Variants in MAN1C1 observed in about 807,000 individuals in gnomAD.
MAN1C1 encodes the protein mannosyl-oligosaccharide 1,2-alpha-mannosidase IC.
A neutral mutation model predicts 71.5 loss-of-function variants in MAN1C1; 49 were observed. The observed-to-expected ratio is 0.69, with a 90% CI of 0.54 to 0.87. MAN1C1 has a LOEUF of 0.87. MAN1C1 is among the 40% of genes least tolerant of loss of function. MAN1C1 has a pLI of 0.00. For missense variants in MAN1C1, 743 were observed against 835.0 expected (o/e 0.89, Z 1.36); for synonymous variants, 352 against 343.7 (o/e 1.02, Z -0.27).
At chr1:25,667,242 G>T (rs2045936408) in intron 1 of MAN1C1, among the ~76,000 whole-genome samples, 1 of 152,068 alleles carries the variant, frequency 6.6e-6, no homozygotes, top group Non-Finnish European at 1.5e-5. Flanking sequence ...CCAGCCCTTT[G>T]GGAGGCTGAG....
intron 2 of MAN1C1, among the ~76,000 whole-genome samples, chr1:25,723,936 C>T (rs1389914983): frequency 6.6e-6 from 1 of 152,154 alleles, no homozygotes; most frequent in East Asian, 1.9e-4. Flanking sequence ...AACCACAGAC[C>T]TCACTGGCAT....
Position 25,735,873 on chromosome 1 carries a change from C to T in MAN1C1, c.638-10795C>T, listed in dbSNP as rs754945091. On this transcript the variant is annotated intron_variant, in intron 2 of 11. Transcript: ENST00000374332. This position sits in a 1 kb window ranked among gnomAD's most constrained non-coding sequence, Gnocchi z 4.6. Reference sequence around the variant, plus strand: ...CCCTGTGGCAAGTCTCATGGCCAAACGTAAGATCAAGGGCAGAGTTTAATT... The same window carrying T: ...CCCTGTGGCAAGTCTCATGGCCAAATGTAAGATCAAGGGCAGAGTTTAATT... 2.6e-5 allele frequency among the ~76,000 whole-genome samples: 4 copies of T among 152,150 alleles called. No individual in the cohort carries two copies. The highest frequency in any genetic ancestry group is 5.9e-5 in the Non-Finnish European group (4 of 68,028).
At chr1:25,621,297 C>T (rs1294803518) in intron 1 of MAN1C1, among the ~76,000 whole-genome samples, 3 of 152,164 alleles carry the variant, frequency 2.0e-5, no homozygotes, top group African/African-American at 7.2e-5. Context: ...CTGTCTAGCA[C>T]CTATCCAAGA....
intron 2 of MAN1C1, among the ~76,000 whole-genome samples, chr1:25,731,466 C>G (rs968342344): frequency 6.6e-6 from 1 of 152,182 alleles, no homozygotes; most frequent in South Asian, 2.1e-4. Flanking sequence ...TGGCTTCAGT[C>G]GTCTACATTA....
intron 6 of MAN1C1, chr1:25,760,156 A>G (rs1466174718): frequency 6.6e-6 from 1 of 152,142 alleles, no homozygotes; most frequent in African/African-American, 2.4e-5. Flanking sequence ...AGTAATAGCT[A>G]CCCCTGCCTG....
Position 25,778,883 on chromosome 1 carries a change from G to A in MAN1C1, c.1477+559G>A, listed in dbSNP as rs1409700126. On this transcript the variant is annotated intron_variant, in intron 9 of 11. Coordinates refer to ENST00000374332, the MANE Select transcript of MAN1C1 (RefSeq NM_020379.4). This position sits in a 1 kb window ranked among gnomAD's most constrained non-coding sequence, Gnocchi z 5.5. ...ACCACTCACCACTGAATTGTCCGAT[G>A]CTAGAATCAGAGGTCACATTTGAGA... 1.3e-5 allele frequency among the ~76,000 whole-genome samples: 2 copies of A among 152,136 alleles called. No individual in the cohort carries two copies. The highest frequency in any genetic ancestry group is 2.4e-5 in the African/African-American group (1 of 41,438).
intron 1 of MAN1C1, among the ~76,000 whole-genome samples, chr1:25,637,828 A>G (rs2045484137): frequency 6.6e-6 from 1 of 152,036 alleles, no homozygotes; most frequent in Non-Finnish European, 1.5e-5. Context: ...CTTTGTTTGC[A>G]GTATATTTTA....
chr1:25,696,776 G>A (rs1053870839), intron 2 of MAN1C1, among the ~76,000 whole-genome samples: 12 of 152,090 alleles, frequency 7.9e-5, no homozygotes, highest in African/African-American at 2.9e-4. Context: ...CCTCTGGGTA[G>A]CTAGGACTAC....
chr1:25,619,488 C>T (rs887686829), intron 1 of MAN1C1, among the ~76,000 whole-genome samples: 1 of 152,226 alleles, frequency 6.6e-6, no homozygotes, highest in Admixed American at 6.5e-5. Context: ...TTATCCCCTT[C>T]TCCTTGTCTG....
chr1:25,746,916 G>A lies in MAN1C1; in HGVS notation c.753+133G>A, dbSNP rs1223788327. ...ACGGCTGCACAGCCCAGCAGTCTCG[G>A]AACCGGAGCTGCCGTGCAGTCTGTG... is the stretch of plus-strand genomic sequence containing the variant. On this transcript the variant is annotated intron_variant, in intron 3 of 11. Transcript: ENST00000374332. This position sits in a 1 kb window ranked among gnomAD's most constrained non-coding sequence, Gnocchi z 4.0. 3 of 652,788 alleles carry A rather than the reference G, an allele frequency of 4.6e-6. No homozygotes were observed. Among genetic ancestry groups the A allele is most frequent in the Non-Finnish European group, 8.0e-6 (3 of 374,706 alleles). The allele number at this position is 652,788 out of a possible 1,614,324, so 40.4% of individuals were successfully genotyped here. A position where few individuals can be genotyped will look rare whatever the true frequency, so the allele number is the denominator to read the frequency against.
chr1:25,704,370 C>T (rs1320221530), intron 2 of MAN1C1, among the ~76,000 whole-genome samples: 2 of 152,190 alleles, frequency 1.3e-5, no homozygotes, highest in African/African-American at 2.4e-5. Context: ...TGGGAATGGG[C>T]GGCCGACAGA....
chr1:25,762,708 G>T (rs893223090), intron 6 of MAN1C1, among the ~76,000 whole-genome samples: 1 of 152,018 alleles, frequency 6.6e-6, no homozygotes, highest in African/African-American at 2.4e-5. Flanking sequence ...GATTATAGGC[G>T]TGAGCCACCA....
intron 2 of MAN1C1, among the ~76,000 whole-genome samples, chr1:25,694,105 G>C (rs997503051): frequency 1.3e-5 from 2 of 152,194 alleles, no homozygotes; most frequent in African/African-American, 4.8e-5. Context: ...CAGTCTCTGA[G>C]TGCCCTATTT....
intron 2 of MAN1C1, among the ~76,000 whole-genome samples, chr1:25,688,629 G>A (rs759206291): frequency 1.1e-4 from 17 of 152,146 alleles, no homozygotes; most frequent in Non-Finnish European, 2.1e-4. Flanking sequence ...TGCTTGAGCC[G>A]TCTGGAATGG....
intron 1 of MAN1C1, among the ~76,000 whole-genome samples, chr1:25,669,823 C>T (rs1056268391): frequency 6.6e-6 from 1 of 152,176 alleles, no homozygotes; most frequent in Admixed American, 6.5e-5. Context: ...GGCTTATTCT[C>T]CAGTTCTTAA....
At chr1:25,748,970 G>A (rs545245865) in intron 3 of MAN1C1, among the ~76,000 whole-genome samples, 21 of 152,326 alleles carry the variant, frequency 1.4e-4, no homozygotes, top group South Asian at 2.1e-4. Context: ...AGGTTCTGGC[G>A]CTCCTTGGAG....
chr1:25,777,407 A>G (rs807275), intron 8 of MAN1C1, among the ~76,000 whole-genome samples: 12,568 of 152,150 alleles, frequency 0.083, 600 homozygotes, highest in African/African-American at 0.12. Flanking sequence ...TTACAACAGC[A>G]TCACCTCCCT....
At chr1:25,752,188 T>G (rs1421032672) in intron 4 of MAN1C1, among the ~76,000 whole-genome samples, 1 of 152,112 alleles carries the variant, frequency 6.6e-6, no homozygotes. Flanking sequence ...GTTTATAAAG[T>G]ACATTCATTT....
chr1:25,751,946 G>A (rs1394866886), intron 4 of MAN1C1, among the ~76,000 whole-genome samples: 3 of 152,182 alleles, frequency 2.0e-5, no homozygotes, highest in African/African-American at 7.2e-5. Flanking sequence ...CTCACATGCA[G>A]TGGGTGCCTG....
Sources: allele counts gnomAD v4.1 joint callset (sites outside exome capture counted in the v4.1 genomes callset), GRCh38; gene constraint gnomAD v4.1.1; non-coding constraint Gnocchi (gnomAD v3.1); transcripts MANE v1.5; gene names NCBI Gene and HGNC (gene_info 2026-07-23, HGNC 2026-07-21).